The following NEK11 variants were observed in gnomAD, a reference collection of about 807,000 sequenced individuals.
NEK11 encodes the protein serine/threonine-protein kinase Nek11.
Under a neutral mutation model 80.7 loss-of-function variants are expected in NEK11, and 72 were observed. The observed-to-expected ratio is 0.89, with a 90% CI of 0.74 to 1.08. The LOEUF is 1.08. Among genes scored for constraint, NEK11 ranks in the 50% least tolerant of loss-of-function variants. The pLI is 0.00. For synonymous variants in NEK11, 251 were observed against 260.7 expected, an observed-to-expected ratio of 0.96 and a Z score of 0.36; for missense variants, 764 against 763.6, an observed-to-expected ratio of 1.00 and a Z score of -0.01.
At chr3:131,088,799 A>G (rs2076352389) in intron 4 of NEK11, among the ~76,000 whole-genome samples, 1 of 152,190 alleles carries the variant, frequency 6.6e-6, no homozygotes. Context: ...ATTCTTCAGT[A>G]CCTATTTAGA....
chr3:131,168,455 C>T (rs1206468317), intron 12 of NEK11, among the ~76,000 whole-genome samples: 1 of 149,642 alleles, frequency 6.7e-6, no homozygotes, highest in Non-Finnish European at 1.5e-5. Context: ...CTCCCGGGTT[C>T]ACGCCATTCT....
At chr3:131,047,485 C>T (rs1017368381) in intron 3 of NEK11, among the ~76,000 whole-genome samples, 1 of 152,190 alleles carries the variant, frequency 6.6e-6, no homozygotes, top group African/African-American at 2.4e-5. Context: ...ATGTGGTGCT[C>T]TCCCCTTTCC....
At chr3:131,247,792 T>C (rs1179952306) in intron 16 of NEK11, among the ~76,000 whole-genome samples, 1 of 151,962 alleles carries the variant, frequency 6.6e-6, no homozygotes, top group East Asian at 1.9e-4. Flanking sequence ...GTTTTGTAGT[T>C]TTCCTTGTAG....
rs756935996 is a variant in NEK11, at chr3:131,228,653, G to C, written c.1525G>C (p.Glu509Gln). The change falls in exon 15 of 18, where the codon GAG (glutamate) becomes CAG (glutamine). Residue 509 changes from glutamate to glutamine, a missense_variant. Glu to Gln is a conservative substitution (Grantham distance 29, BLOSUM62 2). Coordinates refer to ENST00000383366, the MANE Select transcript of NEK11 (RefSeq NM_024800.5). ...LERPEKEIRNEGSQPAYRTNQ... is the reference protein window; with the variant it reads ...LERPEKEIRNQGSQPAYRTNQ... The stretch of plus-strand genomic sequence containing the variant: ...AAGACCAGAGAAAGAAATCAGGAAT[G>C]AGGGATCCCAGCCTGCTTACAGAAC... 2 of 1,613,584 alleles carry C rather than the reference G, an allele frequency of 1.2e-6. No homozygotes were observed. The highest frequency in any genetic ancestry group is 3.3e-5 in the Admixed American group (2 of 59,990).
chr3:131,169,495 T>G (rs2092530748), intron 13 of NEK11, among the ~76,000 whole-genome samples: 1 of 152,192 alleles, frequency 6.6e-6, no homozygotes, highest in Non-Finnish European at 1.5e-5. Flanking sequence ...AATTTGGGCT[T>G]TGAAATCTTG....
chr3:131,307,495 G>A (rs1182853758), intron 17 of NEK11, among the ~76,000 whole-genome samples: 1 of 152,168 alleles, frequency 6.6e-6, no homozygotes, highest in African/African-American at 2.4e-5. Context: ...TTATCTGAGA[G>A]ACATTTATTT....
intron 3 of NEK11, among the ~76,000 whole-genome samples, chr3:131,068,587 G>A (rs1004753172): frequency 8.5e-5 from 13 of 152,220 alleles, no homozygotes; most frequent in Admixed American, 7.9e-4. Context: ...GTCCTGAGGA[G>A]GATGTCTCTG....
intron 14 of NEK11, among the ~76,000 whole-genome samples, chr3:131,203,725 TA>T (rs1339061709): frequency 2.8e-5 from 4 of 141,718 alleles, no homozygotes; most frequent in Non-Finnish European, 6.1e-5. Flanking sequence ...TATATTTGTA[TA>T]TTATATATGT....
chr3:131,029,744 T>C lies in NEK11; in HGVS notation c.36T>C (p.Ser12=), dbSNP rs747889241. 6.2e-7 allele frequency: 1 copy of C among 1,614,186 alleles called. No individual in the cohort carries two copies. Among genetic ancestry groups the C allele is most frequent in the Admixed American group, 1.7e-5 (1 of 60,032 alleles). The change falls in exon 3 of 18, where the codon AGT becomes AGC. Residue 12 remains serine, a synonymous_variant. Coordinates refer to ENST00000383366, the MANE Select transcript of NEK11 (RefSeq NM_024800.5). ...LKFQEAAKCV[S]GSTAISTYPK... Reference sequence around the variant, plus strand: ...TCCAAGAGGCAGCTAAGTGTGTGAGTGGATCAACAGCCATTTCCACTTATC... The same window carrying C: ...TCCAAGAGGCAGCTAAGTGTGTGAGCGGATCAACAGCCATTTCCACTTATC...
At chr3:131,101,850 G>T (rs891677758) in intron 4 of NEK11, among the ~76,000 whole-genome samples, 3 of 152,142 alleles carry the variant, frequency 2.0e-5, no homozygotes, top group Non-Finnish European at 4.4e-5. Context: ...CTATGTGTTT[G>T]TCTAAGTCTT....
chr3:131,214,903 A>G (rs1379441530), intron 14 of NEK11, among the ~76,000 whole-genome samples: 1 of 152,174 alleles, frequency 6.6e-6, no homozygotes, highest in East Asian at 1.9e-4. Flanking sequence ...TTCTTTTCAC[A>G]ACCTCATGTG....
chr3:131,287,731 G>A (rs2108914761), intron 17 of NEK11, among the ~76,000 whole-genome samples: 1 of 152,276 alleles, frequency 6.6e-6, no homozygotes, highest in South Asian at 2.1e-4. Flanking sequence ...CCCTCCAGAT[G>A]CCAAGCTGAG....
chr3:131,119,519 T>C (rs1289889505), intron 5 of NEK11, among the ~76,000 whole-genome samples: 2 of 152,202 alleles, frequency 1.3e-5, no homozygotes, highest in Non-Finnish European at 2.9e-5. Context: ...AAATCCTGGA[T>C]ATCCTTGTTA....
At chr3:131,147,336 A>T (rs2088590184) in intron 7 of NEK11, among the ~76,000 whole-genome samples, 1 of 151,982 alleles carries the variant, frequency 6.6e-6, no homozygotes, top group Non-Finnish European at 1.5e-5. Context: ...ATTTTCCTCT[A>T]CCATGCAGTG....
intron 14 of NEK11, among the ~76,000 whole-genome samples, chr3:131,185,203 T>A (rs944236327): frequency 6.6e-6 from 1 of 152,158 alleles, no homozygotes; most frequent in Non-Finnish European, 1.5e-5. Context: ...AAATATTTTT[T>A]TAGTGGTTGT....
rs112035647 is a variant in NEK11, at chr3:131,040,702, T to C, written c.170+10824T>C. On this transcript the variant is annotated intron_variant, in intron 3 of 17. Coordinates refer to ENST00000383366, the MANE Select transcript of NEK11 (RefSeq NM_024800.5). Reference sequence around the variant, plus strand: ...AATCATAGGCTTTGTTTTTGGTACCTTTATTGGGCAAGTGAAGAAGGAAGA... The same window carrying C: ...AATCATAGGCTTTGTTTTTGGTACCCTTATTGGGCAAGTGAAGAAGGAAGA... 9.8e-4 allele frequency among the ~76,000 whole-genome samples: 149 copies of C among 152,298 alleles called. 1 individual carries two copies. Among genetic ancestry groups the C allele is most frequent in the Non-Finnish European group, 1.9e-3 (128 of 68,010 alleles).
At chr3:131,232,138 A>G (rs1348758835) in intron 15 of NEK11, among the ~76,000 whole-genome samples, 2 of 152,140 alleles carry the variant, frequency 1.3e-5, no homozygotes, top group South Asian at 4.1e-4. Flanking sequence ...ACAAGCCATT[A>G]TCATATTGTT....
chr3:131,294,731 T>C (rs2096575669), intron 17 of NEK11, among the ~76,000 whole-genome samples: 1 of 152,184 alleles, frequency 6.6e-6, no homozygotes, highest in African/African-American at 2.4e-5. Context: ...TTCATGTATT[T>C]TGACACTCTG....
At position 131,029,636 on chromosome 3, in the gene NEK11, T is replaced by C. The variant is rs2064483889; in HGVS notation, c.-73T>C. The stretch of plus-strand genomic sequence containing the variant: ...AGGAACTGACCAACACTGGATGAAT[T>C]TGACCATTTCTTAGGAGACTGGAAT... On this transcript the variant is annotated 5_prime_UTR_variant, in exon 3 of 18. Transcript: ENST00000383366. 2.8e-6 allele frequency: 4 copies of C among 1,436,076 alleles called. No homozygotes were observed. The highest frequency in any genetic ancestry group is 1.3e-5 in the South Asian group (1 of 79,732). 89.0% of individuals were successfully genotyped at this position (1,436,076 alleles called of 1,614,324 possible).
Sources: allele counts gnomAD v4.1 joint callset (sites outside exome capture counted in the v4.1 genomes callset), GRCh38; gene constraint gnomAD v4.1.1; transcripts MANE v1.5; gene names NCBI Gene and HGNC (gene_info 2026-07-23, HGNC 2026-07-21).